HLA-F: variants seen among roughly 807,000 people sequenced by gnomAD.
HLA-F encodes the protein major histocompatibility complex, class I, F.
HLA-F carries 46 observed loss-of-function variants against 49.5 expected under a neutral mutation model. That is an observed-to-expected ratio of 0.93 (90% confidence interval 0.73 to 1.19). HLA-F has a LOEUF of 1.19. HLA-F is among the 50% of genes most tolerant of loss of function. HLA-F has a pLI of 0.00. For synonymous variants in HLA-F, 203 were observed against 233.5 expected (o/e 0.87, Z 1.19); for missense variants, 496 against 579.6 (o/e 0.86, Z 1.48).
At position 29,726,945 on chromosome 6, in the gene HLA-F, G is replaced by C. The variant is rs770508890; in HGVS notation, c.1099G>C (p.Val367Leu). Residue 367 changes from valine to leucine, a missense_variant, in exon 7 of 7, where the codon GTG becomes CTG. Physicochemically the swap from Val to Leu is conservative, Grantham distance 32 (BLOSUM62 1). Coordinates refer to ENST00000259951, the MANE Select transcript of HLA-F (RefSeq NM_001098479.2). ...GTGGTCAAGCTTATTTCTCCTGGGG[G>C]TGCTCTTCCAAGGATATTTGGGCTG... ...TWWSSLFLLG[V>L]LFQGYLGCLR... 1.2e-6 allele frequency: 2 copies of C among 1,611,064 alleles called. No homozygotes were observed. Among genetic ancestry groups the C allele is most frequent in the African/African-American group, 1.3e-5 (1 of 74,912 alleles).
At chr6:29,729,186 G>GTT (rs1776361919), downstream of HLA-F, 1 of 152,024 alleles carries the variant, frequency 6.6e-6, no homozygotes, top group Non-Finnish European at 1.5e-5. Flanking sequence ...GTCTAGTGAT[G>GTT]TTCTAGTCTT....
At chr6:29,724,469 C>T (rs368713554) in intron 3 of HLA-F, 21 bp downstream of exon 3, 22 of 1,610,828 alleles carry the variant, frequency 1.4e-5, no homozygotes, top group Non-Finnish European at 1.7e-5. Context: ...CCATGGGCGC[C>T]TTCCCTATCT....
At chr6:29,725,347 G>A (rs368642976) in intron 4 of HLA-F, 41 bp downstream of exon 4, 19 of 1,612,774 alleles carry the variant, frequency 1.2e-5, no homozygotes, top group Non-Finnish European at 1.5e-5. Flanking sequence ...GAGGGGTCAT[G>A]TCTTTTCTCA....
intron 3 of HLA-F, among the ~76,000 whole-genome samples, chr6:29,732,562 C>T (rs968335481): frequency 1.3e-5 from 2 of 152,114 alleles, no homozygotes; most frequent in Admixed American, 1.3e-4. Flanking sequence ...TCTCCTGGCT[C>T]AGCATCCTGA....
intron 3 of HLA-F, among the ~76,000 whole-genome samples, chr6:29,737,436 CTA>C (rs1343802933): frequency 6.6e-6 from 1 of 152,152 alleles, no homozygotes; most frequent in East Asian, 1.9e-4. Context: ...TAAAACTAAA[CTA>C]TAACTTTAGA....
Position 29,727,054 on chromosome 6 carries a change from A to G in HLA-F, c.1208A>G (p.Asn403Ser), listed in dbSNP as rs1436973202. 1.2e-6 allele frequency: 2 copies of G among 1,613,216 alleles called. No individual in the cohort carries two copies. Residue 403 changes from asparagine (N) to serine (S), a missense_variant, in exon 7 of 7, where the codon AAC becomes AGC. Physicochemically the swap from Asn to Ser is conservative, Grantham distance 46. Transcript: ENST00000259951. The stretch of plus-strand genomic sequence containing the variant: ...TTTTTGTGGCTGTGGACATCTTTCA[A>G]CACTGCCTTCTTGGCCTTGCAAAGC... ...LFFLWLWTSF[N>S]TAFLALQSLR...
downstream of HLA-F, among the ~76,000 whole-genome samples, chr6:29,729,934 A>G (rs1273163744): frequency 6.6e-6 from 1 of 152,254 alleles, no homozygotes; most frequent in East Asian, 1.9e-4. Context: ...GAAGATGTGG[A>G]GAAGTCACAA....
chr6:29,725,989 A>G (rs1189469028), intron 5 of HLA-F, 22 bp from the exon 6 acceptor site: 1 of 1,613,894 alleles, frequency 6.2e-7, no homozygotes, highest in Non-Finnish European at 8.5e-7. Flanking sequence ...CTGGCCTCTC[A>G]CAGGACATTT....
chr6:29,736,313 T>A (rs1777095900), intron 3 of HLA-F: 2 of 412,166 alleles, frequency 4.9e-6, no homozygotes, highest in Admixed American at 3.0e-5. Context: ...TTGCGTTAGC[T>A]CCCAAGCCTA....
rs760933027 is a variant in HLA-F at position 29,726,018 on chromosome 6, C to T, written c.1011C>T (p.Asn337=). Residue 337 remains asparagine (N), a synonymous_variant, in exon 6 of 7, where the codon AAC becomes AAT. Coordinates refer to ENST00000259951, the MANE Select transcript of HLA-F (RefSeq NM_001098479.2). ...VMWRKKSSDR[N]RGSYSQAAAY... is the part of the protein sequence containing the mutation. ...GACATTTTCTTCCCATAGATAGAAA[C>T]AGAGGGAGCTACTCTCAGGCTGCAG... The T allele has an allele frequency of 6.2e-7, 1 of 1,614,016 alleles. No homozygotes were observed. Among genetic ancestry groups the T allele is most frequent in the Non-Finnish European group, 8.5e-7 (1 of 1,179,902 alleles).
At chr6:29,733,938 C>G (rs908224907) in intron 3 of HLA-F, among the ~76,000 whole-genome samples, 1 of 152,060 alleles carries the variant, frequency 6.6e-6, no homozygotes, top group African/African-American at 2.4e-5. Context: ...TTTTCCCTTC[C>G]ACAGATGAAA....
intron 2 of HLA-F, 103 bp downstream of exon 2, chr6:29,724,030 G>C (rs1179903550): frequency 3.9e-6 from 6 of 1,547,118 alleles, no homozygotes; most frequent in African/African-American, 1.4e-5. Context: ...CCCCGAGGCA[G>C]CGGGACCCGC....
rs144556391 is a variant in HLA-F at position 29,732,804 on chromosome 6, A to G, written c.404-5318A>G. On this transcript the variant is annotated intron_variant, in intron 3 of 4. Coordinates refer to the HLA-F transcript ENST00000465459. Reference sequence around the variant, plus strand: ...AACATGGAAAACTACTTGTAAAATAATACATTCAAAAAGCAACATTCAAGA... The same window carrying G: ...AACATGGAAAACTACTTGTAAAATAGTACATTCAAAAAGCAACATTCAAGA... 6.3e-3 allele frequency among the ~76,000 whole-genome samples: 967 copies of G among 152,326 alleles called. 7 individuals are homozygous for G. Among genetic ancestry groups the G allele is most frequent in the Non-Finnish European group, 0.01 (714 of 68,026 alleles).
At chr6:29,732,718 G>A (rs1464482560) in intron 3 of HLA-F, among the ~76,000 whole-genome samples, 3 of 152,016 alleles carry the variant, frequency 2.0e-5, no homozygotes, top group Non-Finnish European at 4.4e-5. Context: ...AAAGTGCTGG[G>A]ATTATAGGCG....
chr6:29,727,813 C>G, downstream of HLA-F: 2 of 403,388 alleles, frequency 5.0e-6, no homozygotes, highest in Non-Finnish European at 9.7e-6. Context: ...CCATTCCTCA[C>G]GAGCTTTAGT....
At position 29,723,511 on chromosome 6, in the gene HLA-F, G is replaced by C; in HGVS notation, c.48G>C (p.Leu16=). Residue 16 remains leucine, a synonymous_variant, in exon 1 of 7, where the codon CTG becomes CTC. Coordinates refer to ENST00000259951, the MANE Select transcript of HLA-F (RefSeq NM_001098479.2). ...TGCTGCTCTCAGGGGCCCTGGCCCT[G>C]ACCGATACTTGGGCGGGTGAGTGCG... The part of the protein sequence containing the change: ...LLLLLSGALA[L]TDTWAGSHSL... 6.2e-7 allele frequency: 1 copy of C among 1,613,186 alleles called. No individual in the cohort carries two copies. The highest frequency in any genetic ancestry group is 8.5e-7 in the Non-Finnish European group (1 of 1,179,878).
chr6:29,724,516 G>A (rs537392732), intron 3 of HLA-F, 68 bp downstream of exon 3: 3 of 1,527,060 alleles, frequency 2.0e-6, no homozygotes, highest in South Asian at 1.2e-5. Flanking sequence ...CACAAGGTTG[G>A]GAGGAAAGTG....
rs772540636 is a variant in HLA-F, at chr6:29,723,728, C to T, written c.135C>T (p.Ala45=). The part of the protein sequence containing the change: ...RPGRGEPRYI[A]VEYVDDTQFL... ...GCCGCGGGGAGCCCCGCTACATCGC[C>T]GTGGAGTACGTAGACGACACGCAAT... Residue 45 remains alanine, a synonymous_variant, in exon 2 of 7, where the codon GCC becomes GCT. Transcript: ENST00000259951. The T allele has an allele frequency of 6.2e-7, 1 of 1,611,944 alleles. No homozygotes were observed. Among genetic ancestry groups the T allele is most frequent in the Non-Finnish European group, 8.5e-7 (1 of 1,179,838 alleles).
At chr6:29,732,131 A>AT (rs9256970), downstream of HLA-F, among the ~76,000 whole-genome samples, 62,990 of 151,000 alleles carry the variant, frequency 0.42, 13,441 homozygotes, top group Admixed American at 0.48. Context: ...TGCCCAGCTA[A>AT]TTTTTTTTTG....
Sources: gnomAD v4.1 joint callset for allele counts (sites outside exome capture counted in the v4.1 genomes callset) on GRCh38, gnomAD v4.1.1 for gene constraint, MANE v1.5 for transcripts, NCBI Gene and HGNC (gene_info 2026-07-23, HGNC 2026-07-21) for gene names.